Variants in ZNF461 observed in about 807,000 individuals in gnomAD.
ZNF461 encodes the protein gonadotropin-inducible ovarian transcription factor-1.
A neutral mutation model predicts 18.3 loss-of-function variants in ZNF461; 16 were observed. The observed-to-expected ratio is 0.88, with a 90% CI of 0.59 to 1.33. ZNF461 has a LOEUF of 1.33. Among genes scored for constraint, ZNF461 ranks in the 40% most tolerant of loss-of-function variants. The pLI is 0.00. For missense variants in ZNF461, 595 were observed against 669.9 expected (o/e 0.89, Z 1.23); for synonymous variants, 179 against 216.9 (o/e 0.83, Z 1.54).
In ZNF461 at chr19:36,639,035, C is replaced by T; in HGVS notation, c.1310G>A (p.Gly437Asp). 6.2e-7 allele frequency: 1 copy of T among 1,614,052 alleles called. No individual in the cohort carries two copies. The highest frequency in any genetic ancestry group is 1.1e-5 in the South Asian group (1 of 91,072). ...TTCCTTACACTCATAGGGTTTCTCA[C>T]CAGTATGAATCCTCTGATGTAGGGT... ...QLTLHQRIHT[G>D]EKPYECKECG... The change falls in exon 6 of 6, where the codon GGT (glycine) becomes GAT (aspartate). Residue 437 changes from glycine to aspartate, a missense_variant. Physicochemically the swap from Gly to Asp is moderately conservative, Grantham distance 94. Transcript: ENST00000588268.
At position 36,639,336 on chromosome 19, in the gene ZNF461, C is replaced by T. The variant is rs750828088; in HGVS notation, c.1009G>A (p.Ala337Thr). The T allele has an allele frequency of 6.2e-7, 1 of 1,613,912 alleles. No individual in the cohort carries two copies. Among genetic ancestry groups the T allele is most frequent in the South Asian group, 1.1e-5 (1 of 91,070 alleles). ...KPYECKQCGK[A>T]FIRGFQLTEH... ...GTAAGTTGAAAGCCACGAATAAAAG[C>T]CTTCCCACATTGCTTACATTCATAG... Residue 337 changes from alanine to threonine, a missense_variant, in exon 6 of 6, where the codon GCT (alanine) becomes ACT (threonine). Physicochemically the swap from Ala to Thr is moderately conservative, Grantham distance 58. Transcript: ENST00000588268.
At chr19:36,662,381 C>T (rs973507051) in intron 2 of ZNF461, among the ~76,000 whole-genome samples, 1 of 151,940 alleles carries the variant, frequency 6.6e-6, no homozygotes, top group African/African-American at 2.4e-5. Flanking sequence ...CTCAGCCTCC[C>T]GAGTAGCTGG....
chr19:36,650,290 T>C (rs1479455723), intron 4 of ZNF461, among the ~76,000 whole-genome samples: 1 of 152,108 alleles, frequency 6.6e-6, no homozygotes, highest in Non-Finnish European at 1.5e-5. Flanking sequence ...TATATGAATA[T>C]ACAGAATAAT....
At position 36,639,668 on chromosome 19, in the gene ZNF461, T is replaced by G; in HGVS notation, c.677A>C (p.Glu226Ala). The G allele has an allele frequency of 1.2e-6, 2 of 1,613,920 alleles. No individual in the cohort carries two copies. Among genetic ancestry groups the G allele is most frequent in the Middle Eastern group, 1.7e-4 (1 of 6,058 alleles). The change falls in exon 6 of 6, where the codon GAA (glutamate) becomes GCA (alanine). Residue 226 changes from glutamate (E) to alanine (A), a missense_variant. Transcript: ENST00000588268. ...KELSECKECT[E>A]IVNTPCLFKQ... ...AAAAAGGCATGGTGTATTAACAATT[T>G]CTGTGCATTCTTTACATTCAGAAAG... is the stretch of plus-strand genomic sequence containing the variant.
intron 4 of ZNF461, among the ~76,000 whole-genome samples, chr19:36,646,601 A>C (rs1220713810): frequency 6.6e-6 from 1 of 152,222 alleles, no homozygotes; most frequent in Non-Finnish European, 1.5e-5. Flanking sequence ...AATTGGAGCA[A>C]TATTTTCCAA....
chr19:36,640,638 T>TA, intron 5 of ZNF461, among the ~76,000 whole-genome samples: 1 of 152,340 alleles, frequency 6.6e-6, no homozygotes, highest in East Asian at 1.9e-4. Context: ...CCACGCCCTA[T>TA]ATTGCCTGTT....
In ZNF461 at chr19:36,638,613, T is replaced by C; in HGVS notation, c.*40A>G. 6.9e-7 allele frequency: 1 copy of C among 1,454,508 alleles called. No individual in the cohort carries two copies. Among genetic ancestry groups the C allele is most frequent in the African/African-American group, 1.4e-5 (1 of 70,552 alleles). 90.1% of individuals were successfully genotyped at this position (1,454,508 alleles called of 1,614,324 possible). A position where few individuals can be genotyped will look rare whatever the true frequency, so the allele number is the denominator to read the frequency against. The stretch of plus-strand genomic sequence containing the variant: ...ACTGGTGGCTTACCAACTTTTTCCT[T>C]AAATAAAACAAAGACAATGTATATT... On this transcript the variant is annotated 3_prime_UTR_variant, in exon 6 of 6. Coordinates refer to ENST00000588268, the MANE Select transcript of ZNF461 (RefSeq NM_153257.5).
In ZNF461 at chr19:36,639,000, T is replaced by A; in HGVS notation, c.1345A>T (p.Thr449Ser). Residue 449 changes from threonine to serine, a missense_variant, in exon 6 of 6, where the codon ACT (threonine) becomes TCT (serine). Coordinates refer to ENST00000588268, the MANE Select transcript of ZNF461 (RefSeq NM_153257.5). ...KPYECKECGK[T>S]FRQCSHLKRH... Reference sequence around the variant, plus strand: ...TTGAGGTGTGAACACTGTCTAAAAGTCTTCCCACATTCCTTACACTCATAG... The same window carrying A: ...TTGAGGTGTGAACACTGTCTAAAAGACTTCCCACATTCCTTACACTCATAG... 6.2e-7 allele frequency: 1 copy of A among 1,613,738 alleles called. No individual in the cohort carries two copies. The highest frequency in any genetic ancestry group is 1.1e-5 in the South Asian group (1 of 91,048).
chr19:36,646,860 TTTAAATGAA>T (rs1287537361), intron 4 of ZNF461, among the ~76,000 whole-genome samples: 2 of 152,256 alleles, frequency 1.3e-5, no homozygotes, highest in African/African-American at 2.4e-5. Flanking sequence ...GTTTATTATT[TTTAAATGAA>T]TTAAATGAAT....
At chr19:36,646,226 G>A (rs1458906872) in intron 4 of ZNF461, among the ~76,000 whole-genome samples, 2 of 151,782 alleles carry the variant, frequency 1.3e-5, no homozygotes, top group Non-Finnish European at 2.9e-5. Context: ...CGACTCCCAG[G>A]TTCAAGCTAT....
chr19:36,661,072 T>C (rs1488857861), intron 2 of ZNF461, among the ~76,000 whole-genome samples: 1 of 152,026 alleles, frequency 6.6e-6, no homozygotes, highest in East Asian at 1.9e-4. Context: ...GGCCAGGAGT[T>C]TGAGACCAGC....
At chr19:36,645,929 C>T (rs765330693) in intron 4 of ZNF461, among the ~76,000 whole-genome samples, 12 of 152,146 alleles carry the variant, frequency 7.9e-5, no homozygotes, top group South Asian at 2.1e-4. Flanking sequence ...GGACTACAGG[C>T]GTGAGCCACC....
intron 4 of ZNF461, among the ~76,000 whole-genome samples, chr19:36,652,509 A>AC (rs1196077454): frequency 6.6e-6 from 1 of 151,564 alleles, no homozygotes; most frequent in African/African-American, 2.4e-5. Flanking sequence ...TCAAAAAAAA[A>AC]AAAAACAAAA....
rs1157452843 is a variant in ZNF461, at chr19:36,637,193, TTTC to T, written c.*1457_*1459del. The T allele has an allele frequency of 1.3e-5, 2 of 152,106 alleles. No individual in the cohort carries two copies. Among genetic ancestry groups the T allele is most frequent in the African/African-American group, 2.4e-5 (1 of 41,406 alleles). 9.4% of individuals were successfully genotyped at this position (152,106 alleles called of 1,614,324 possible). On this transcript the variant is annotated 3_prime_UTR_variant, in exon 6 of 6. Transcript: ENST00000588268. ...TATCTATTGGTTGTGTTTTGACAAT[TTTC>T]TTTTTTTTTTTTCTTTTTGAGACAG...
chr19:36,654,016 A>T (rs2037673122), intron 4 of ZNF461, among the ~76,000 whole-genome samples: 1 of 152,134 alleles, frequency 6.6e-6, no homozygotes, highest in Admixed American at 6.5e-5. Flanking sequence ...AGCAATGTCA[A>T]TTTTTTGGTA....
chr19:36,655,149 G>A (rs1483777568), intron 4 of ZNF461, among the ~76,000 whole-genome samples: 1 of 151,994 alleles, frequency 6.6e-6, no homozygotes, highest in African/African-American at 2.4e-5. Flanking sequence ...CACCATGCCT[G>A]GTGAATATTT....
Position 36,658,346 on chromosome 19 carries a change from A to C in ZNF461, c.89T>G (p.Leu30Trp). 6.2e-7 allele frequency: 1 copy of C among 1,611,264 alleles called. No homozygotes were observed. Among genetic ancestry groups the C allele is most frequent in the East Asian group, 2.2e-5 (1 of 44,832 alleles). The change falls in exon 3 of 6, where the codon TTG (leucine) becomes TGG (tryptophan). Residue 30 changes from leucine (L) to tryptophan (W), a missense_variant. Physicochemically the swap from Leu to Trp is moderately conservative, Grantham distance 61. Coordinates refer to ENST00000588268, the MANE Select transcript of ZNF461 (RefSeq NM_153257.5). Reference protein sequence around the residue: ...WECLNPAQRNLYKEVMLENYS... With the variant: ...WECLNPAQRNWYKEVMLENYS... Reference sequence around the variant, plus strand: ...ATTCTCCAACATCACCTCCTTGTACAAATTCCTCTGCGCTGGGTTCAGGCA... The same window carrying C: ...ATTCTCCAACATCACCTCCTTGTACCAATTCCTCTGCGCTGGGTTCAGGCA...
intron 4 of ZNF461, among the ~76,000 whole-genome samples, chr19:36,649,902 C>T (rs1254920864): frequency 1.3e-5 from 2 of 151,982 alleles, no homozygotes; most frequent in South Asian, 2.1e-4. Flanking sequence ...TCTGGCTGGG[C>T]GTGGTGGCTC....
chr19:36,659,746 A>G (rs142724727), intron 2 of ZNF461, among the ~76,000 whole-genome samples: 3 of 152,288 alleles, frequency 2.0e-5, no homozygotes, highest in African/African-American at 7.2e-5. Context: ...TGTGTTCCCA[A>G]AGAATATTAA....
Sources: gnomAD v4.1 joint callset for allele counts (sites outside exome capture counted in the v4.1 genomes callset) on GRCh38, gnomAD v4.1.1 for gene constraint, MANE v1.5 for transcripts, NCBI Gene and HGNC (gene_info 2026-07-23, HGNC 2026-07-21) for gene names.